Variants in CAMK1D observed in about 807,000 individuals in gnomAD.
CAMK1D encodes calcium/calmodulin dependent protein kinase ID.
CAMK1D carries 9 observed loss-of-function variants against 47.7 expected under a neutral mutation model. The observed-to-expected ratio is 0.19, with a 90% confidence interval of 0.11 to 0.33. CAMK1D has a LOEUF of 0.33. Ranked by LOEUF, CAMK1D falls within the 10% of genes least tolerant of loss-of-function variation. CAMK1D has a pLI of 1.00. For synonymous variants in CAMK1D, 184 were observed against 184.9 expected, an observed-to-expected ratio of 0.99 and a Z score of 0.04; for missense variants, 291 against 488.7, an observed-to-expected ratio of 0.60 and a Z score of 3.81.
At chr10:12,767,521 T>A (rs548594043) in intron 4 of CAMK1D, among the ~76,000 whole-genome samples, 1 of 152,146 alleles carries the variant, frequency 6.6e-6, no homozygotes, top group African/African-American at 2.4e-5. Flanking sequence ...AGGTCAAGAA[T>A]GTGCCCATGA....
chr10:12,497,209 T>C (rs1054964121), intron 1 of CAMK1D, among the ~76,000 whole-genome samples: 4 of 152,178 alleles, frequency 2.6e-5, no homozygotes, highest in African/African-American at 9.7e-5. Flanking sequence ...CCAGGCGTGG[T>C]GGCTCATGCC....
intron 1 of CAMK1D, among the ~76,000 whole-genome samples, chr10:12,419,877 G>GT (rs1410141652): frequency 2.6e-5 from 4 of 151,756 alleles, no homozygotes; most frequent in African/African-American, 9.7e-5. Flanking sequence ...ACTAAGTTGA[G>GT]TTTTTTAGAA....
chr10:12,396,409 G>T (rs369217488), intron 1 of CAMK1D, among the ~76,000 whole-genome samples: 1 of 152,178 alleles, frequency 6.6e-6, no homozygotes, highest in Admixed American at 6.5e-5. Flanking sequence ...CTCCCTCTCA[G>T]GGCTTATGCC....
At chr10:12,688,987 C>T (rs1209956157) in intron 3 of CAMK1D, among the ~76,000 whole-genome samples, 1 of 152,252 alleles carries the variant, frequency 6.6e-6, no homozygotes, top group African/African-American at 2.4e-5. Flanking sequence ...CCAGCCCATT[C>T]TTTCAGATTT....
chr10:12,574,218 C>T (rs561559712), intron 2 of CAMK1D, among the ~76,000 whole-genome samples: 4 of 152,224 alleles, frequency 2.6e-5, no homozygotes, highest in Admixed American at 2.0e-4. Flanking sequence ...ACCACCAACC[C>T]CTTCTTAAAA....
At chr10:12,537,111 G>T (rs374768903) in intron 1 of CAMK1D, among the ~76,000 whole-genome samples, 11 of 151,724 alleles carry the variant, frequency 7.3e-5, no homozygotes, top group African/African-American at 2.7e-4. Flanking sequence ...TCCCTCTGTT[G>T]CCCAGGCTGG....
intron 1 of CAMK1D, among the ~76,000 whole-genome samples, chr10:12,406,606 T>C (rs1399099231): frequency 3.3e-5 from 5 of 150,856 alleles, no homozygotes. Flanking sequence ...GTCTGTAGTC[T>C]CAGCTGCTTG....
At chr10:12,553,174 T>C in intron 1 of CAMK1D, 51 bp from the exon 2 acceptor site, 1 of 1,611,966 alleles carries the variant, frequency 6.2e-7, no homozygotes, top group Non-Finnish European at 8.5e-7. Context: ...GGAGCCATTG[T>C]GAAACTGGAC....
chr10:12,404,813 C>T (rs370390033), intron 1 of CAMK1D, among the ~76,000 whole-genome samples: 35 of 151,766 alleles, frequency 2.3e-4, no homozygotes, highest in African/African-American at 2.7e-4. Context: ...CTCAGTCTCA[C>T]GAGAAGCTGG....
intron 2 of CAMK1D, among the ~76,000 whole-genome samples, chr10:12,595,231 A>G (rs1381724389): frequency 6.8e-6 from 1 of 147,978 alleles, no homozygotes. Flanking sequence ...AATCCCAGCT[A>G]CTCTGGAGGC....
At chr10:12,573,238 C>A (rs530652701) in intron 2 of CAMK1D, among the ~76,000 whole-genome samples, 7 of 152,348 alleles carry the variant, frequency 4.6e-5, no homozygotes, top group Admixed American at 2.6e-4. Context: ...GGATAGAAAG[C>A]AGGGCCTGCT....
intron 2 of CAMK1D, among the ~76,000 whole-genome samples, chr10:12,563,483 A>T (rs1837009719): frequency 6.6e-6 from 1 of 152,340 alleles, no homozygotes; most frequent in Middle Eastern, 3.4e-3. Flanking sequence ...GCTGATTCAG[A>T]TGCTAATCTC....
chr10:12,547,639 A>ACCCC (rs11393244), intron 1 of CAMK1D, among the ~76,000 whole-genome samples: 3 of 109,234 alleles, frequency 2.7e-5, no homozygotes, highest in African/African-American at 7.9e-5. Flanking sequence ...TCACGAGGAC[A>ACCCC]CCCCCCCCCC....
chr10:12,641,816 G>A (rs1344389785), intron 2 of CAMK1D, among the ~76,000 whole-genome samples: 1 of 151,738 alleles, frequency 6.6e-6, no homozygotes, highest in Non-Finnish European at 1.5e-5. Context: ...AGGCCAAGGC[G>A]GGCAGATCAG....
intron 1 of CAMK1D, among the ~76,000 whole-genome samples, chr10:12,459,035 C>G (rs1482011787): frequency 6.6e-6 from 1 of 151,980 alleles, no homozygotes; most frequent in African/African-American, 2.4e-5. Context: ...TGCGCCACCA[C>G]GTGTGGCTGA....
intron 1 of CAMK1D, among the ~76,000 whole-genome samples, chr10:12,464,968 G>A (rs1242777555): frequency 2.6e-5 from 4 of 152,160 alleles, no homozygotes; most frequent in African/African-American, 9.7e-5. Context: ...GAGACGTTCT[G>A]GATATTGGGC....
intron 2 of CAMK1D, among the ~76,000 whole-genome samples, chr10:12,589,864 A>G (rs558569995): frequency 2.6e-5 from 4 of 152,342 alleles, no homozygotes; most frequent in African/African-American, 7.2e-5. Flanking sequence ...TGTAAAATAC[A>G]GAGTTGCTGA....
intron 5 of CAMK1D, among the ~76,000 whole-genome samples, chr10:12,770,788 C>T (rs1837002122): frequency 6.6e-6 from 1 of 151,982 alleles, no homozygotes; most frequent in South Asian, 2.1e-4. Context: ...GACAGCATCC[C>T]AGGAAGAGTA....
intron 2 of CAMK1D, among the ~76,000 whole-genome samples, chr10:12,560,271 G>A (rs914003788): frequency 6.6e-6 from 1 of 152,068 alleles, no homozygotes; most frequent in Non-Finnish European, 1.5e-5. Flanking sequence ...ATCGATTGGG[G>A]TCCGGGCGCG....
Sources: allele counts gnomAD v4.1 joint callset (sites outside exome capture counted in the v4.1 genomes callset), GRCh38; gene constraint gnomAD v4.1.1; transcripts MANE v1.5; gene names NCBI Gene and HGNC (gene_info 2026-07-23, HGNC 2026-07-21).